GPR158: variants seen among roughly 807,000 people sequenced by gnomAD.
GPR158 encodes G protein-coupled receptor 158.
In GPR158, 30 loss-of-function variants were observed where a neutral mutation model predicts 78.2. The ratio of observed to expected loss-of-function variants is 0.38; its 90% CI spans 0.29 to 0.52. The LOEUF (loss-of-function observed/expected upper bound fraction) is 0.52. GPR158 is among the 20% of genes least tolerant of loss of function. The pLI is 0.83. For missense variants in GPR158, 1,463 were observed against 1,523.5 expected, an observed-to-expected ratio of 0.96 and a Z score of 0.66; for synonymous variants, 581 against 591.1, an observed-to-expected ratio of 0.98 and a Z score of 0.25.
At chr10:25,574,904 A>AAAAT (rs1336799742) in intron 7 of GPR158, among the ~76,000 whole-genome samples, 1 of 151,966 alleles carries the variant, frequency 6.6e-6, no homozygotes, top group Non-Finnish European at 1.5e-5. Context: ...AAAAACAAAA[A>AAAAT]AAATAGTGAA....
intron 2 of GPR158, among the ~76,000 whole-genome samples, chr10:25,236,431 C>T (rs989654353): frequency 3.9e-5 from 6 of 152,128 alleles, no homozygotes; most frequent in African/African-American, 1.2e-4. Context: ...TGGCATGAAC[C>T]CGGGAGGTGG....
intron 4 of GPR158, among the ~76,000 whole-genome samples, chr10:25,460,120 ATTAG>A (rs763400946): frequency 3.3e-5 from 5 of 152,166 alleles, no homozygotes; most frequent in Non-Finnish European, 5.9e-5. Flanking sequence ...ATTAAAGAAT[ATTAG>A]TTAAAGGAAG....
intron 4 of GPR158, among the ~76,000 whole-genome samples, chr10:25,423,869 A>G (rs1261910566): frequency 6.6e-6 from 1 of 152,040 alleles, no homozygotes. Context: ...CTTTATAGTA[A>G]CATGATTTAT....
At chr10:25,595,119 C>T (rs1483288355) in intron 9 of GPR158, among the ~76,000 whole-genome samples, 1 of 152,072 alleles carries the variant, frequency 6.6e-6, no homozygotes, top group Non-Finnish European at 1.5e-5. Context: ...CACTGTGTAT[C>T]TTTTCAGTGC....
intron 2 of GPR158, among the ~76,000 whole-genome samples, chr10:25,343,041 A>G (rs1855325850): frequency 6.6e-6 from 1 of 151,986 alleles, no homozygotes. Context: ...GATTTGAGTA[A>G]ACAGAGACTG....
intron 7 of GPR158, among the ~76,000 whole-genome samples, chr10:25,580,418 A>G (rs145127635): frequency 2.1e-3 from 318 of 152,330 alleles, no homozygotes; most frequent in Non-Finnish European, 3.6e-3. Flanking sequence ...AATTAGTCAT[A>G]TGCCAATGTT....
intron 2 of GPR158, among the ~76,000 whole-genome samples, chr10:25,340,486 T>C (rs534284810): frequency 2.0e-5 from 3 of 151,998 alleles, no homozygotes; most frequent in Non-Finnish European, 2.9e-5. Flanking sequence ...AGTATGTTCA[T>C]GAAGTTAAAT....
chr10:25,295,017 G>A (rs931083607), intron 2 of GPR158, among the ~76,000 whole-genome samples: 10 of 151,726 alleles, frequency 6.6e-5, no homozygotes, highest in African/African-American at 2.2e-4. Flanking sequence ...GGAAGTTGAC[G>A]CTTTGCCAGC....
At chr10:25,561,604 A>T (rs1358404604) in intron 6 of GPR158, among the ~76,000 whole-genome samples, 1 of 152,176 alleles carries the variant, frequency 6.6e-6, no homozygotes, top group Non-Finnish European at 1.5e-5. Context: ...TTCAAAACTA[A>T]ACATTTTTGG....
At chr10:25,471,930 G>A (rs1451960027) in intron 5 of GPR158, among the ~76,000 whole-genome samples, 6 of 152,094 alleles carry the variant, frequency 3.9e-5, no homozygotes, top group Admixed American at 3.3e-4. Flanking sequence ...CACTCTGATG[G>A]TAGTTTCTTT....
At chr10:25,314,758 C>G (rs1476094628) in intron 2 of GPR158, among the ~76,000 whole-genome samples, 2 of 148,346 alleles carry the variant, frequency 1.3e-5, no homozygotes, top group African/African-American at 2.5e-5. Flanking sequence ...AAGTTTACGA[C>G]TATAAATTGT....
chr10:25,381,829 ACTC>A (rs1383366843), intron 2 of GPR158, among the ~76,000 whole-genome samples: 1 of 152,228 alleles, frequency 6.6e-6, no homozygotes, highest in Non-Finnish European at 1.5e-5. Flanking sequence ...AAGAAGGACT[ACTC>A]AAAAACAAAC....
intron 2 of GPR158, among the ~76,000 whole-genome samples, chr10:25,294,219 G>C (rs1263168999): frequency 6.6e-6 from 1 of 152,140 alleles, no homozygotes; most frequent in African/African-American, 2.4e-5. Flanking sequence ...TGCTGACTAA[G>C]AGTAAGCAAA....
intron 2 of GPR158, among the ~76,000 whole-genome samples, chr10:25,302,067 CTTTTT>C (rs200536212): frequency 4.0e-3 from 534 of 133,958 alleles, no homozygotes; most frequent in Non-Finnish European, 6.9e-3. Context: ...TAATTTGTTC[CTTTTT>C]TTTTTTTTTT....
intron 2 of GPR158, among the ~76,000 whole-genome samples, chr10:25,241,162 TTTCTTTCTTTCTTTC>T (rs1853604342): frequency 8.0e-6 from 1 of 124,770 alleles, no homozygotes; most frequent in South Asian, 2.6e-4. Context: ...TCTTTCTTTC[TTTCTTTCTTTCTTTC>T]TTTCTTTCTT....
intron 4 of GPR158, among the ~76,000 whole-genome samples, chr10:25,459,114 T>G (rs1174078992): frequency 6.6e-6 from 1 of 152,202 alleles, no homozygotes; most frequent in Non-Finnish European, 1.5e-5. Context: ...AATGTTAAGA[T>G]TCTCTTTAGG....
intron 2 of GPR158, among the ~76,000 whole-genome samples, chr10:25,306,327 C>G (rs1854675947): frequency 6.6e-6 from 1 of 152,174 alleles, no homozygotes; most frequent in African/African-American, 2.4e-5. Context: ...CTAAATATCT[C>G]TTACTAAGTT....
intron 5 of GPR158, among the ~76,000 whole-genome samples, chr10:25,483,470 A>T (rs896041191): frequency 6.6e-6 from 1 of 152,096 alleles, no homozygotes; most frequent in Non-Finnish European, 1.5e-5. Context: ...TCCTCACAGT[A>T]CTTCTGATCT....
intron 3 of GPR158, among the ~76,000 whole-genome samples, chr10:25,401,438 G>A (rs994263405): frequency 2.6e-5 from 4 of 151,604 alleles, no homozygotes; most frequent in African/African-American, 9.7e-5. Flanking sequence ...TTATTTGTAG[G>A]GACTAATGAA....
Sources: gnomAD v4.1 joint callset for allele counts (sites outside exome capture counted in the v4.1 genomes callset) on GRCh38, gnomAD v4.1.1 for gene constraint, MANE v1.5 for transcripts, NCBI Gene and HGNC (gene_info 2026-07-23, HGNC 2026-07-21) for gene names.